Variants in SOX6 observed in about 807,000 individuals in gnomAD.
SOX6 encodes the protein transcription factor SOX-6.
SOX6 carries 11 observed loss-of-function variants against 97.8 expected under a neutral mutation model. The ratio of observed to expected loss-of-function variants is 0.11; its 90% CI spans 0.07 to 0.19. SOX6 has a LOEUF of 0.19. SOX6 is among the 10% of genes least tolerant of loss of function. The pLI is 1.00. For synonymous variants in SOX6, 360 were observed against 371.4 expected, an observed-to-expected ratio of 0.97 and a Z score of 0.35; for missense variants, 810 against 1,039.5, an observed-to-expected ratio of 0.78 and a Z score of 3.04.
In SOX6 at chr11:16,111,916, C is replaced by T; in HGVS notation, c.785G>A (p.Gly262Asp). 3.7e-6 allele frequency: 6 copies of T among 1,612,168 alleles called. No homozygotes were observed. The highest frequency in any genetic ancestry group is 4.2e-6 in the Non-Finnish European group (5 of 1,179,878). The change falls in exon 7 of 16, where the codon GGT becomes GAT. Residue 262 changes from glycine (G) to aspartate (D), a missense_variant. Physicochemically the swap from Gly to Asp is moderately conservative, Grantham distance 94. This residue lies in a region of SOX6 where 244 missense variants were observed against 261.0 expected (regional missense o/e 0.93). Transcript: ENST00000683767. Reference sequence around the variant, plus strand: ...TGGGATCATGAGCGGAGGCATGTGACCCTGAACCTGCTAAACAGAAGAGAG... The same window carrying T: ...TGGGATCATGAGCGGAGGCATGTGATCCTGAACCTGCTAAACAGAAGAGAG... ...NLLQQQIQVQ[G>D]HMPPLMIPIF...
At chr11:16,693,059 T>TG (rs1363621544) in intron 3 of SOX6, among the ~76,000 whole-genome samples, 1 of 152,194 alleles carries the variant, frequency 6.6e-6, no homozygotes, top group East Asian at 1.9e-4. Context: ...ATGTGATGGG[T>TG]ATACTTGTAC....
At chr11:16,694,465 G>A (rs1016605022) in intron 3 of SOX6, among the ~76,000 whole-genome samples, 3 of 152,166 alleles carry the variant, frequency 2.0e-5, no homozygotes, top group African/African-American at 7.2e-5. Flanking sequence ...TGAGGCTACA[G>A]TGAGCTATGA....
intron 6 of SOX6, among the ~76,000 whole-genome samples, chr11:16,162,274 T>C (rs750398690): frequency 1.1e-4 from 16 of 152,222 alleles, no homozygotes; most frequent in Non-Finnish European, 2.1e-4. Context: ...TTTGAAGACC[T>C]TTAAAGTCCG....
At chr11:16,267,868 A>G (rs753435638) in intron 3 of SOX6, among the ~76,000 whole-genome samples, 10 of 151,776 alleles carry the variant, frequency 6.6e-5, no homozygotes, top group Non-Finnish European at 1.0e-4. Flanking sequence ...TTCAGCCTTA[A>G]TAAAGGAAGA....
At chr11:16,726,330 T>A (rs1251381259) in intron 2 of SOX6, among the ~76,000 whole-genome samples, 3 of 152,144 alleles carry the variant, frequency 2.0e-5, no homozygotes, top group Non-Finnish European at 4.4e-5. Flanking sequence ...GGCACAAGAA[T>A]CGCTTGAACC....
intron 3 of SOX6, among the ~76,000 whole-genome samples, chr11:16,254,992 G>C (rs1013804509): frequency 9.9e-5 from 15 of 152,006 alleles, no homozygotes; most frequent in African/African-American, 3.6e-4. Flanking sequence ...AGACAAAGCA[G>C]ACTTCAGAAC....
At chr11:16,363,077 C>G (rs925538396) in intron 1 of SOX6, among the ~76,000 whole-genome samples, 1 of 152,052 alleles carries the variant, frequency 6.6e-6, no homozygotes, top group Non-Finnish European at 1.5e-5. Context: ...AAGCAGTGAA[C>G]AAGATAAAAT....
intron 1 of SOX6, among the ~76,000 whole-genome samples, chr11:16,373,742 T>C (rs1356698571): frequency 6.6e-6 from 1 of 150,806 alleles, no homozygotes; most frequent in African/African-American, 2.4e-5. Flanking sequence ...CACATATGTG[T>C]ATACATATTA....
intron 9 of SOX6, among the ~76,000 whole-genome samples, chr11:16,075,907 T>C (rs968269757): frequency 2.0e-5 from 3 of 151,856 alleles, no homozygotes; most frequent in African/African-American, 4.8e-5. Flanking sequence ...ATGAGACTTA[T>C]TCACTTCCTG....
intron 9 of SOX6, among the ~76,000 whole-genome samples, chr11:16,069,911 C>T (rs1388543740): frequency 6.6e-6 from 1 of 152,134 alleles, no homozygotes; most frequent in Non-Finnish European, 1.5e-5. Context: ...AATCCCAGCA[C>T]TTTGGGAGGT....
chr11:16,546,683 G>A (rs759333453), intron 4 of SOX6, among the ~76,000 whole-genome samples: 46 of 152,036 alleles, frequency 3.0e-4, no homozygotes, highest in Non-Finnish European at 4.9e-4. Flanking sequence ...CAGGGGAAGT[G>A]CTTCAGGACA....
intron 3 of SOX6, among the ~76,000 whole-genome samples, chr11:16,668,463 A>T (rs1198207540): frequency 6.6e-6 from 1 of 152,166 alleles, no homozygotes; most frequent in Non-Finnish European, 1.5e-5. Flanking sequence ...ACCTTCACTA[A>T]AAAGGAAGGC....
Position 16,037,057 on chromosome 11 carries a change from A to C in SOX6, c.1623+9457T>G, listed in dbSNP as rs7947546. On this transcript the variant is annotated intron_variant, in intron 12 of 15. Transcript: ENST00000683767. ...AAATGGTCTCAATTTTGTATTTAAAATTTGTCCTACAATCAAATGACTTCA... is the reference window on the plus strand; with the variant it reads ...AAATGGTCTCAATTTTGTATTTAAACTTTGTCCTACAATCAAATGACTTCA... 8.2e-3 allele frequency among the ~76,000 whole-genome samples: 1,249 copies of C among 152,296 alleles called. 18 individuals are homozygous for C. The highest frequency in any genetic ancestry group is 0.028 in the African/African-American group (1,161 of 41,564).
chr11:15,973,264 TC>T, intron 15 of SOX6, 152 bp from the exon 16 acceptor site: 1 of 772,974 alleles, frequency 1.3e-6, no homozygotes, highest in African/African-American at 1.7e-5. Flanking sequence ...ACAAAGGTGT[TC>T]CCTGGAGGAG....
At chr11:16,723,187 G>C (rs1403220195) in intron 2 of SOX6, among the ~76,000 whole-genome samples, 1 of 152,138 alleles carries the variant, frequency 6.6e-6, no homozygotes, top group Non-Finnish European at 1.5e-5. Flanking sequence ...AATATGAATA[G>C]AGCTGAAGGC....
At chr11:16,633,785 T>C (rs1848745900) in intron 3 of SOX6, among the ~76,000 whole-genome samples, 1 of 152,190 alleles carries the variant, frequency 6.6e-6, no homozygotes, top group African/African-American at 2.4e-5. Flanking sequence ...CTCTGGCATA[T>C]ATGGGGCCGA....
At chr11:15,994,423 C>A (rs1590115822) in intron 13 of SOX6, among the ~76,000 whole-genome samples, 1 of 140,988 alleles carries the variant, frequency 7.1e-6, no homozygotes, top group South Asian at 2.2e-4. Flanking sequence ...CTGGCGATGG[C>A]TTGGGTTTAT....
At chr11:16,096,905 A>G (rs1294428776) in intron 8 of SOX6, among the ~76,000 whole-genome samples, 5 of 151,832 alleles carry the variant, frequency 3.3e-5, no homozygotes, top group Admixed American at 3.3e-4. Flanking sequence ...ACAAATATAC[A>G]TTCATATTCA....
intron 4 of SOX6, among the ~76,000 whole-genome samples, chr11:16,583,614 C>CATACATATAT (rs1554976094): frequency 5.2e-4 from 54 of 104,716 alleles, no homozygotes; most frequent in African/African-American, 1.8e-3. Flanking sequence ...TATATATATA[C>CATACATATAT]ATATATATAT....
Sources: gnomAD v4.1 joint callset for allele counts (sites outside exome capture counted in the v4.1 genomes callset) on GRCh38, gnomAD v4.1.1 for gene constraint, gnomAD v4.1.1 regional missense constraint, MANE v1.5 for transcripts, NCBI Gene and HGNC (gene_info 2026-07-23, HGNC 2026-07-21) for gene names.